ERC2: variants seen among roughly 807,000 people sequenced by gnomAD.
ERC2 encodes ELKS/RAB6-interacting/CAST family member 2.
A neutral mutation model predicts 114.8 loss-of-function variants in ERC2; 42 were observed. The ratio of observed to expected loss-of-function variants is 0.37; its 90% CI spans 0.29 to 0.47. The LOEUF (loss-of-function observed/expected upper bound fraction) is 0.47. Ranked by LOEUF, ERC2 falls within the 20% of genes least tolerant of loss-of-function variation. The probability of loss-of-function intolerance (pLI) is 0.99; values close to 1 mark genes in which losing one functional copy is unlikely to be tolerated. For missense variants in ERC2, 939 were observed against 1,150.7 expected, an observed-to-expected ratio of 0.82 and a Z score of 2.66; for synonymous variants, 454 against 425.5, an observed-to-expected ratio of 1.07 and a Z score of -0.82.
intron 6 of ERC2, among the ~76,000 whole-genome samples, chr3:56,115,965 G>A (rs745883962): frequency 7.9e-5 from 12 of 152,100 alleles, no homozygotes; most frequent in Non-Finnish European, 1.6e-4. Context: ...AGAGCCCATT[G>A]AGATTATTCA....
At chr3:56,265,007 T>C (rs539543575) in intron 3 of ERC2, among the ~76,000 whole-genome samples, 1 of 152,288 alleles carries the variant, frequency 6.6e-6, no homozygotes, top group East Asian at 1.9e-4. Context: ...GAATAATCAA[T>C]ATTGTCAAAC....
chr3:56,046,208 T>C (rs2075448125), intron 7 of ERC2, among the ~76,000 whole-genome samples: 1 of 152,158 alleles, frequency 6.6e-6, no homozygotes, highest in African/African-American at 2.4e-5. Flanking sequence ...CCCTCAACCA[T>C]CACCCTTTTC....
intron 13 of ERC2, among the ~76,000 whole-genome samples, chr3:55,916,000 G>A (rs754041933): frequency 8.5e-5 from 13 of 152,130 alleles, no homozygotes; most frequent in Non-Finnish European, 1.5e-4. Context: ...CATAGTATTT[G>A]TAATAAGGCC....
At chr3:56,266,105 A>T (rs2053282113) in intron 3 of ERC2, among the ~76,000 whole-genome samples, 1 of 150,082 alleles carries the variant, frequency 6.7e-6, no homozygotes, top group Non-Finnish European at 1.5e-5. Flanking sequence ...CAGAAAAAAT[A>T]CAAAAACAAA....
chr3:55,591,803 A>C (rs570085443), intron 17 of ERC2, among the ~76,000 whole-genome samples: 219 of 152,276 alleles, frequency 1.4e-3, no homozygotes, highest in Non-Finnish European at 1.7e-3. Flanking sequence ...TGTGAGGTAC[A>C]TTCTATTTTT....
chr3:55,732,718 G>A (rs1298017303), intron 15 of ERC2, among the ~76,000 whole-genome samples: 2 of 152,206 alleles, frequency 1.3e-5, no homozygotes, highest in South Asian at 2.1e-4. Flanking sequence ...TGGTAAGAAG[G>A]CTTCTGGCAG....
chr3:55,790,618 C>G (rs2069925503), intron 14 of ERC2, among the ~76,000 whole-genome samples: 1 of 152,200 alleles, frequency 6.6e-6, no homozygotes, highest in South Asian at 2.1e-4. Context: ...AACAACCCTA[C>G]TATCCCCCAC....
intron 14 of ERC2, among the ~76,000 whole-genome samples, chr3:55,806,385 A>C (rs1032317317): frequency 6.6e-6 from 1 of 151,748 alleles, no homozygotes; most frequent in Non-Finnish European, 1.5e-5. Flanking sequence ...AAGAAGAAGA[A>C]ATGAGAGAGG....
At chr3:55,611,562 G>A (rs925865089) in intron 17 of ERC2, among the ~76,000 whole-genome samples, 1 of 152,184 alleles carries the variant, frequency 6.6e-6, no homozygotes, top group Non-Finnish European at 1.5e-5. Context: ...GAGAGATGGA[G>A]AGGCCTATTA....
chr3:55,868,877 T>C (rs951964454), intron 14 of ERC2, among the ~76,000 whole-genome samples: 6 of 152,232 alleles, frequency 3.9e-5, no homozygotes, highest in Non-Finnish European at 7.3e-5. Context: ...TTCATGTATA[T>C]ACTTTTAGTT....
At chr3:56,022,953 T>G (rs2073819400) in intron 7 of ERC2, among the ~76,000 whole-genome samples, 1 of 151,800 alleles carries the variant, frequency 6.6e-6, no homozygotes. Flanking sequence ...GGAAAGGGGG[T>G]AAGAGAGGAG....
At chr3:56,028,649 T>C (rs764729520) in intron 7 of ERC2, among the ~76,000 whole-genome samples, 7 of 152,256 alleles carry the variant, frequency 4.6e-5, no homozygotes, top group Middle Eastern at 3.4e-3. Flanking sequence ...TTTTGTATGT[T>C]GATCATGCAT....
rs141486861 is a variant in ERC2 at position 55,672,597 on chromosome 3, C to A, written c.*39+11197G>T. 2.8e-4 allele frequency among the ~76,000 whole-genome samples: 43 copies of A among 152,264 alleles called. No individual in the cohort carries two copies. In the East Asian group the frequency reaches 8.1e-3, roughly 29 times the overall value. ...TCAGATGAAAATCAGGGACACAGGGCATTTTCTCTAAACTGGCAAGGGTGC... is the reference window on the plus strand; with the variant it reads ...TCAGATGAAAATCAGGGACACAGGGAATTTTCTCTAAACTGGCAAGGGTGC... On this transcript the variant is annotated intron_variant, in intron 17 of 17. Transcript: ENST00000288221.
chr3:55,842,855 G>A (rs1306551175), intron 14 of ERC2, among the ~76,000 whole-genome samples: 7 of 152,122 alleles, frequency 4.6e-5, no homozygotes, highest in Non-Finnish European at 1.0e-4. Context: ...TCAAAAGTGA[G>A]TTGAGGAGCT....
At chr3:56,075,146 T>TAAGG (rs1553804727) in intron 7 of ERC2, among the ~76,000 whole-genome samples, 1 of 150,824 alleles carries the variant, frequency 6.6e-6, no homozygotes, top group Non-Finnish European at 1.5e-5. Flanking sequence ...CTTCCCTGAG[T>TAAGG]GACATAAAAA....
intron 14 of ERC2, among the ~76,000 whole-genome samples, chr3:55,849,738 G>T (rs1019715279): frequency 6.6e-6 from 1 of 152,182 alleles, no homozygotes; most frequent in African/African-American, 2.4e-5. Flanking sequence ...GCCACCATCA[G>T]AGGTAACAGT....
intron 3 of ERC2, among the ~76,000 whole-genome samples, chr3:56,193,489 C>A (rs1825562): frequency 0.88 from 133,873 of 151,502 alleles, 60,381 homozygotes; most frequent in East Asian, 1. Context: ...CCTGGGTGAC[C>A]GAGCGAGACT....
At chr3:56,029,732 T>C (rs1251214484) in intron 7 of ERC2, among the ~76,000 whole-genome samples, 1 of 152,118 alleles carries the variant, frequency 6.6e-6, no homozygotes, top group Non-Finnish European at 1.5e-5. Context: ...TCAGGGTTTC[T>C]GGAGATTTAT....
intron 7 of ERC2, among the ~76,000 whole-genome samples, chr3:56,023,774 T>TGAAGGAAGGAAGGATGGAAG (rs2073873535): frequency 7.6e-6 from 1 of 131,772 alleles, no homozygotes; most frequent in Non-Finnish European, 1.6e-5. Context: ...AAAAAAGGAA[T>TGAAGGAAGGAAGGATGGAAG]GAAGGAAGGA....
Sources: allele counts gnomAD v4.1 joint callset (sites outside exome capture counted in the v4.1 genomes callset), GRCh38; gene constraint gnomAD v4.1.1; transcripts MANE v1.5; gene names NCBI Gene and HGNC (gene_info 2026-07-23, HGNC 2026-07-21).